Variants in OR4Q3 observed in about 807,000 individuals in gnomAD.
OR4Q3 encodes olfactory receptor family 4 subfamily Q member 3.
OR4Q3 carries 17 observed loss-of-function variants against 18.8 expected under a neutral mutation model. That is an observed-to-expected ratio of 0.91 (90% CI 0.62 to 1.36). The LOEUF (loss-of-function observed/expected upper bound fraction) is 1.36, where lower values mean the gene tolerates loss of function less well. Among genes scored for constraint, OR4Q3 ranks in the 40% most tolerant of loss-of-function variants. The pLI is 0.00. For synonymous variants in OR4Q3, 158 were observed against 145.8 expected (o/e 1.08, Z -0.60); for missense variants, 378 against 373.4 (o/e 1.01, Z -0.10).
intron 1 of OR4Q3, among the ~76,000 whole-genome samples, chr14:19,746,241 T>TA: frequency 1.3e-4 from 20 of 152,196 alleles, no homozygotes; most frequent in African/African-American, 3.8e-4. Context: ...TGGTTTTAGA[T>TA]AAAAAAATAT....
intron 1 of OR4Q3, among the ~76,000 whole-genome samples, chr14:19,745,807 C>A: frequency 6.6e-6 from 1 of 152,156 alleles, no homozygotes; most frequent in African/African-American, 2.4e-5. Flanking sequence ...CAAATCGTTC[C>A]CTAACTTGTA....
At chr14:19,744,985 T>C in intron 1 of OR4Q3, among the ~76,000 whole-genome samples, 3 of 152,176 alleles carry the variant, frequency 2.0e-5, no homozygotes, top group African/African-American at 7.2e-5. Flanking sequence ...AAAGGGAGCT[T>C]TCTATATTGT....
chr14:19,751,798 A>G, downstream of OR4Q3, among the ~76,000 whole-genome samples: 2 of 151,674 alleles, frequency 1.3e-5, no homozygotes, highest in Admixed American at 1.3e-4. Flanking sequence ...TAATCTAACT[A>G]GCAGTCTAAC....
chr14:19,745,031 A>G, intron 1 of OR4Q3, among the ~76,000 whole-genome samples: 1 of 150,784 alleles, frequency 6.6e-6, no homozygotes, highest in Non-Finnish European at 1.5e-5. Context: ...AGGATTGCAA[A>G]TTTATTGTCA....
chr14:19,751,839 G>A, downstream of OR4Q3, among the ~76,000 whole-genome samples: 12,042 of 149,964 alleles, frequency 0.08, 375 homozygotes, highest in East Asian at 0.2. Flanking sequence ...CTAACTCTTG[G>A]TTTCATTGAC....
At chr14:19,751,681 G>A, downstream of OR4Q3, among the ~76,000 whole-genome samples, 2 of 152,120 alleles carry the variant, frequency 1.3e-5, no homozygotes, top group Admixed American at 6.5e-5. Flanking sequence ...TGTGCATAGA[G>A]TTGTTCATAG....
At chr14:19,745,508 G>A in intron 1 of OR4Q3, among the ~76,000 whole-genome samples, 1 of 152,232 alleles carries the variant, frequency 6.6e-6, no homozygotes, top group Admixed American at 6.5e-5. Flanking sequence ...TTATAACATT[G>A]TGTAGGATTA....
exon 2 of OR4Q3, chr14:19,749,017 A>G: frequency 1.3e-5 from 2 of 152,818 alleles, no homozygotes; most frequent in Non-Finnish European, 2.9e-5. Context: ...AGCTGTTAGT[A>G]TTCTGTTGTA....
At chr14:19,751,393 T>C, downstream of OR4Q3, among the ~76,000 whole-genome samples, 5 of 152,226 alleles carry the variant, frequency 3.3e-5, no homozygotes, top group Admixed American at 6.5e-5. Context: ...GCTAGCTTCA[T>C]AGAATGAGTT....
At chr14:19,749,904 TTCTTTTTTCTTTCTTTCTTTCTC>T, downstream of OR4Q3, among the ~76,000 whole-genome samples, 3 of 8,308 alleles carry the variant, frequency 3.6e-4, no homozygotes, top group Admixed American at 2.6e-3. Flanking sequence ...CTTTCTTTCT[TTCTTTTTTCTTTCTTTCTTTCTC>T]TCTCTCTTTC....
At chr14:19,751,705 T>A, downstream of OR4Q3, among the ~76,000 whole-genome samples, 40 of 152,154 alleles carry the variant, frequency 2.6e-4, no homozygotes, top group African/African-American at 8.0e-4. Context: ...TCTCTGAGGA[T>A]CTTTCGTATT....
chr14:19,749,847 C>CTTCTTTCT, downstream of OR4Q3, among the ~76,000 whole-genome samples: 6 of 114,412 alleles, frequency 5.2e-5, no homozygotes, highest in African/African-American at 1.6e-4. Context: ...ATACAGATTA[C>CTTCTTTCT]TTCTTTCTTT....
At chr14:19,744,687 G>T (rs1877391475) in intron 1 of OR4Q3, among the ~76,000 whole-genome samples, 1 of 152,130 alleles carries the variant, frequency 6.6e-6, no homozygotes, top group South Asian at 2.1e-4. Context: ...GTTATTTTTA[G>T]GATATGAAAC....
At chr14:19,749,904 TTCTTTTTTCTTTCTTTCTTTCTCTC>T, downstream of OR4Q3, among the ~76,000 whole-genome samples, 1 of 8,324 alleles carries the variant, frequency 1.2e-4, no homozygotes. Context: ...CTTTCTTTCT[TTCTTTTTTCTTTCTTTCTTTCTCTC>T]TCTCTTTCTT....
At chr14:19,750,596 G>T, downstream of OR4Q3, among the ~76,000 whole-genome samples, 1 of 152,212 alleles carries the variant, frequency 6.6e-6, no homozygotes, top group Non-Finnish European at 1.5e-5. Context: ...GGATATACTG[G>T]AAAATTGCAA....
chr14:19,749,156 A>G, exon 2 of OR4Q3: 2 of 152,278 alleles, frequency 1.3e-5, no homozygotes, highest in African/African-American at 4.8e-5. Context: ...CTCTAAAGGA[A>G]CAGAGGAAGA....
At chr14:19,746,709 C>T in intron 1 of OR4Q3, among the ~76,000 whole-genome samples, 1,107 of 151,558 alleles carry the variant, frequency 7.3e-3, no homozygotes, top group Non-Finnish European at 0.012. Flanking sequence ...AATATGAGCT[C>T]TGTTTCAATC....
downstream of OR4Q3, among the ~76,000 whole-genome samples, chr14:19,749,801 TC>T: frequency 2.4e-5 from 2 of 81,868 alleles, no homozygotes; most frequent in Non-Finnish European, 6.1e-5. Flanking sequence ...TCTTTCTCTC[TC>T]TTTCTCTCTA....
downstream of OR4Q3, among the ~76,000 whole-genome samples, chr14:19,750,071 G>A: frequency 1.1e-4 from 16 of 150,940 alleles, no homozygotes; most frequent in Middle Eastern, 6.8e-3. Context: ...TGCAACCTCC[G>A]CCTCCCAGGT....
Sources: gnomAD v4.1 joint callset for allele counts (sites outside exome capture counted in the v4.1 genomes callset) on GRCh38, gnomAD v4.1.1 for gene constraint, MANE v1.5 for transcripts, NCBI Gene and HGNC (gene_info 2026-07-23, HGNC 2026-07-21) for gene names.